The following ANKRD30B variants were observed in gnomAD, a reference collection of about 807,000 sequenced individuals.
ANKRD30B encodes the protein ankyrin repeat domain-containing protein 30B.
ANKRD30B carries 144 observed loss-of-function variants against 202.2 expected under a neutral mutation model. The ratio of observed to expected loss-of-function variants is 0.71; its 90% confidence interval spans 0.62 to 0.82. The LOEUF is 0.82. Among genes scored for constraint, ANKRD30B ranks in the 40% least tolerant of loss-of-function variants. The pLI is 0.00. For missense variants in ANKRD30B, 1,487 were observed against 1,669.1 expected (o/e 0.89, Z 1.90); for synonymous variants, 508 against 561.3 (o/e 0.91, Z 1.34).
At chr18:14,847,237 G>T (rs1204514426) in intron 39 of ANKRD30B, among the ~76,000 whole-genome samples, 1 of 151,188 alleles carries the variant, frequency 6.6e-6, no homozygotes, top group Non-Finnish European at 1.5e-5. Flanking sequence ...ATAGTGTATG[G>T]ATTTACCTCA....
chr18:14,820,167 TG>T, intron 30 of ANKRD30B, among the ~76,000 whole-genome samples: 1 of 152,278 alleles, frequency 6.6e-6, no homozygotes, highest in South Asian at 2.1e-4. Context: ...TCTGTTTGTC[TG>T]TTATTGGTGT....
At chr18:14,784,118 G>T (rs1179465717) in intron 12 of ANKRD30B, among the ~76,000 whole-genome samples, 2 of 152,004 alleles carry the variant, frequency 1.3e-5, no homozygotes, top group African/African-American at 4.8e-5. Context: ...CGCTTTTGAG[G>T]TCTTAACTGC....
At chr18:14,924,887 C>G in the ANKRD30B span, among the ~76,000 whole-genome samples, 1 of 152,180 alleles carries the variant, frequency 6.6e-6, no homozygotes, top group African/African-American at 2.4e-5. Context: ...CTGGACTGCT[C>G]AGGCCCATGT....
At chr18:14,778,935 G>C (rs1481460393) in intron 10 of ANKRD30B, among the ~76,000 whole-genome samples, 1 of 152,028 alleles carries the variant, frequency 6.6e-6, no homozygotes, top group Admixed American at 6.6e-5. Flanking sequence ...GGAAAAAAGA[G>C]GTAAAGAAAT....
rs138886697 is a variant in ANKRD30B, at chr18:14,829,258, A to G, written c.2774+950A>G. On this transcript the variant is annotated intron_variant, in intron 33 of 43. Coordinates refer to ENST00000690538, the MANE Select transcript of ANKRD30B (RefSeq NM_001367607.2). ...TTTCATATTTTAAACTCTATTTAAT[A>G]TCCTGGAAAAATTGTTGTTCACATG... Among the ~76,000 whole-genome samples the G allele has an allele frequency of 3.4e-3, 520 of 152,300 alleles. 5 individuals carry two copies. Among genetic ancestry groups the G allele is most frequent in the African/African-American group, 0.011 (468 of 41,574 alleles).
chr18:14,861,406 C>G, the ANKRD30B span, among the ~76,000 whole-genome samples: 1 of 150,424 alleles, frequency 6.6e-6, no homozygotes, highest in African/African-American at 2.5e-5. Flanking sequence ...CCAACAGGCT[C>G]AAAGTAAATG....
chr18:14,839,127 A>G (rs1416878413), intron 36 of ANKRD30B, among the ~76,000 whole-genome samples: 2 of 152,216 alleles, frequency 1.3e-5, no homozygotes, highest in Non-Finnish European at 2.9e-5. Flanking sequence ...TGTGCTAGGC[A>G]GTGAGTCTCT....
chr18:14,799,280 G>C lies in ANKRD30B; in HGVS notation c.2116G>C (p.Glu706Gln). ...TAAAGCTTTAGAATTGAAGGACAGA[G>C]AAACATTCAAAGCAGGTAAATTTTG... The part of the protein sequence containing the change: ...PNKALELKDR[E>Q]TFKAAQMFPS... Residue 706 changes from glutamate (E) to glutamine (Q), a missense_variant, in exon 22 of 44, where the codon GAA (glutamate) becomes CAA (glutamine). Glu to Gln is a conservative substitution (Grantham distance 29, BLOSUM62 2). Around this residue, in one of 6 missense-constraint regions of ANKRD30B, gnomAD observed 889 missense variants for 841.4 expected, o/e 1.06. Coordinates refer to ENST00000690538, the MANE Select transcript of ANKRD30B (RefSeq NM_001367607.2). 6.5e-7 allele frequency: 1 copy of C among 1,540,516 alleles called. No individual in the cohort carries two copies. Among genetic ancestry groups the C allele is most frequent in the Non-Finnish European group, 8.7e-7 (1 of 1,145,374 alleles).
At chr18:14,873,105 C>T in the ANKRD30B span, among the ~76,000 whole-genome samples, 1 of 152,178 alleles carries the variant, frequency 6.6e-6, no homozygotes, top group East Asian at 1.9e-4. Flanking sequence ...GACAGTGGAA[C>T]GTAGGAAGAG....
chr18:14,766,472 C>CAAAAAAAAAAAAAAAAAAAAAA (rs1168681924), intron 7 of ANKRD30B, among the ~76,000 whole-genome samples: 8 of 55,594 alleles, frequency 1.4e-4, no homozygotes, highest in Non-Finnish European at 2.2e-4. Context: ...GACTCCATCT[C>CAAAAAAAAAAAAAAAAAAAAAA]AAAAAAAAAA....
chr18:14,866,575 C>T, the ANKRD30B span, among the ~76,000 whole-genome samples: 2 of 152,054 alleles, frequency 1.3e-5, no homozygotes, highest in African/African-American at 4.8e-5. Context: ...CCATGGCTCG[C>T]CTGGTTGCGG....
intron 32 of ANKRD30B, among the ~76,000 whole-genome samples, chr18:14,823,602 A>G (rs1461678983): frequency 6.6e-6 from 1 of 152,042 alleles, no homozygotes; most frequent in African/African-American, 2.4e-5. Context: ...GTATCTTTTT[A>G]TGCTACTGTA....
chr18:14,868,499 T>A, the ANKRD30B span, among the ~76,000 whole-genome samples: 1 of 152,242 alleles, frequency 6.6e-6, no homozygotes, highest in African/African-American at 2.4e-5. Context: ...TGTTGTGGGA[T>A]CCCCCCATGT....
At chr18:14,934,948 A>C in the ANKRD30B span, among the ~76,000 whole-genome samples, 106 of 126,490 alleles carry the variant, frequency 8.4e-4, no homozygotes, top group African/African-American at 3.2e-3. Flanking sequence ...ACACACACAC[A>C]CCCCATCGTG....
intron 8 of ANKRD30B, among the ~76,000 whole-genome samples, chr18:14,769,697 C>T (rs1916799959): frequency 6.6e-6 from 1 of 152,162 alleles, no homozygotes; most frequent in Non-Finnish European, 1.5e-5. Context: ...TGATGGAGAC[C>T]TCTGCATCAC....
the ANKRD30B span, among the ~76,000 whole-genome samples, chr18:14,889,107 C>G: frequency 6.6e-6 from 1 of 151,242 alleles, no homozygotes. Context: ...GAAATAAAAA[C>G]ACCACATAAT....
intron 39 of ANKRD30B, among the ~76,000 whole-genome samples, chr18:14,845,261 T>A (rs2143215814): frequency 6.6e-6 from 1 of 151,504 alleles, no homozygotes; most frequent in African/African-American, 2.4e-5. Flanking sequence ...CTTGAGTTAA[T>A]TTTTGTATAA....
chr18:14,868,159 T>A, the ANKRD30B span, among the ~76,000 whole-genome samples: 1 of 152,280 alleles, frequency 6.6e-6, no homozygotes, highest in Non-Finnish European at 1.5e-5. Flanking sequence ...TTGGCGTCAG[T>A]GCTAATGGTG....
chr18:14,929,087 C>T, the ANKRD30B span, among the ~76,000 whole-genome samples: 1 of 152,250 alleles, frequency 6.6e-6, no homozygotes, highest in Non-Finnish European at 1.5e-5. Flanking sequence ...GCTTTCCAAA[C>T]TCAGCCCTGG....
Sources: gnomAD v4.1 joint callset for allele counts (sites outside exome capture counted in the v4.1 genomes callset) on GRCh38, gnomAD v4.1.1 for gene constraint, gnomAD v4.1.1 regional missense constraint, MANE v1.5 for transcripts, NCBI Gene and HGNC (gene_info 2026-07-23, HGNC 2026-07-21) for gene names.